The following ANXA8 variants were observed in gnomAD, a reference collection of about 807,000 sequenced individuals.
ANXA8 encodes VAC-beta.
Under a neutral mutation model 26.8 loss-of-function variants are expected in ANXA8, and 9 were observed. That is an observed-to-expected ratio of 0.34 (90% CI 0.20 to 0.59). The LOEUF (loss-of-function observed/expected upper bound fraction) is 0.59, where lower values mean the gene tolerates loss of function less well. Ranked by LOEUF, ANXA8 falls within the 20% of genes least tolerant of loss-of-function variation. The probability of loss-of-function intolerance (pLI) is 0.84; values close to 1 mark genes in which losing one functional copy is unlikely to be tolerated. For synonymous variants in ANXA8, 39 were observed against 94.8 expected, an observed-to-expected ratio of 0.41 and a Z score of 3.42; for missense variants, 83 against 238.5, an observed-to-expected ratio of 0.35 and a Z score of 4.29.
At chr10:47,497,247 G>A in the ANXA8 span, among the ~76,000 whole-genome samples, 1 of 139,808 alleles carries the variant, frequency 7.2e-6, no homozygotes, top group African/African-American at 2.7e-5. Flanking sequence ...TTGAACCCGG[G>A]AGGAGAGGCT....
the ANXA8 span, among the ~76,000 whole-genome samples, chr10:47,744,423 T>TGGGGGGGGGGGGGGGAGGGGGGGGGG: frequency 1.6e-4 from 1 of 6,438 alleles, no homozygotes; most frequent in African/African-American, 6.3e-4. Flanking sequence ...GGGGGGGGGT[T>TGGGGGGGGGGGGGGGAGGGGGGGGGG]GGGGGGGAGG....
the ANXA8 span, among the ~76,000 whole-genome samples, chr10:47,888,617 TTTTTG>T: frequency 5.9e-4 from 1 of 1,708 alleles, no homozygotes; most frequent in African/African-American, 3.7e-3. Context: ...GAGTTCCTGT[TTTTTG>T]TTTTGTTTTG....
At chr10:47,960,067 A>G in the ANXA8 span, among the ~76,000 whole-genome samples, 5 of 148,668 alleles carry the variant, frequency 3.4e-5, no homozygotes, top group Non-Finnish European at 5.9e-5. Flanking sequence ...ACCCAGGGAG[A>G]GACCCCACAC....
the ANXA8 span, among the ~76,000 whole-genome samples, chr10:47,733,913 T>C: frequency 6.6e-6 from 1 of 152,310 alleles, no homozygotes; most frequent in Non-Finnish European, 1.5e-5. Context: ...CGTGATTTTT[T>C]TCAAAACCAT....
At chr10:47,656,334 G>T in the ANXA8 span, among the ~76,000 whole-genome samples, 1 of 151,202 alleles carries the variant, frequency 6.6e-6, no homozygotes, top group Admixed American at 6.6e-5. Context: ...GGAAGTTGAG[G>T]CTGCAGTGAG....
chr10:47,952,751 G>A, the ANXA8 span, among the ~76,000 whole-genome samples: 9 of 118,892 alleles, frequency 7.6e-5, no homozygotes, highest in African/African-American at 1.6e-4. Flanking sequence ...ACAGGAAAGC[G>A]AGTAATGAAG....
At chr10:47,659,674 C>G in the ANXA8 span, among the ~76,000 whole-genome samples, 1 of 141,838 alleles carries the variant, frequency 7.1e-6, no homozygotes, top group Non-Finnish European at 1.5e-5. Context: ...GAAACTCTGT[C>G]TCAAAAAAAA....
At chr10:47,589,362 C>T in the ANXA8 span, 4 of 146,770 alleles carry the variant, frequency 2.7e-5, no homozygotes, top group South Asian at 6.2e-4. Flanking sequence ...AAGCTCTTTA[C>T]TTGTCTTTAT....
the ANXA8 span, among the ~76,000 whole-genome samples, chr10:47,522,353 A>G: frequency 6.7e-6 from 1 of 148,530 alleles, no homozygotes; most frequent in Non-Finnish European, 1.5e-5. Context: ...TTTCTGTTAA[A>G]GTAAGAATTT....
the ANXA8 span, among the ~76,000 whole-genome samples, chr10:47,600,343 G>A: frequency 4.0e-5 from 6 of 150,106 alleles, 1 homozygote; most frequent in African/African-American, 5.0e-5. Flanking sequence ...AGGTAGCTCC[G>A]CTCTCTGGTC....
chr10:47,743,329 CATATATATAT>C, the ANXA8 span, among the ~76,000 whole-genome samples: 52 of 47,702 alleles, frequency 1.1e-3, 1 homozygote, highest in Admixed American at 3.3e-3. Context: ...TATATATATA[CATATATATAT>C]ACATATATAT....
chr10:47,668,206 C>T, the ANXA8 span, among the ~76,000 whole-genome samples: 1 of 151,160 alleles, frequency 6.6e-6, no homozygotes, highest in Admixed American at 6.6e-5. Flanking sequence ...ATTCTGTTGC[C>T]ATCTCTTTGA....
chr10:47,484,281 T>G (rs1399007917), upstream of ANXA8: 8 of 661,548 alleles, frequency 1.2e-5, no homozygotes, highest in Non-Finnish European at 2.2e-5. Flanking sequence ...TAAACACAGC[T>G]CCATGTTGAT....
chr10:47,494,978 G>C, the ANXA8 span, among the ~76,000 whole-genome samples: 1,218 of 142,612 alleles, frequency 8.5e-3, no homozygotes, highest in East Asian at 0.054. Context: ...TGTAGAGGAG[G>C]ATCATCAGGA....
the ANXA8 span, among the ~76,000 whole-genome samples, chr10:47,733,217 CTTTCTCTTTCTT>C: frequency 1.3e-4 from 9 of 71,416 alleles, no homozygotes; most frequent in South Asian, 5.4e-4. Context: ...TTCTTTCTTT[CTTTCTCTTTCTT>C]TCTCTCTTTC....
chr10:47,474,702 C>T (rs1157728200), intron 7 of ANXA8, among the ~76,000 whole-genome samples: 13 of 87,838 alleles, frequency 1.5e-4, no homozygotes, highest in African/African-American at 2.5e-4. Context: ...CTAGCGCCCC[C>T]GGGTTCATGG....
At chr10:47,693,380 C>G in the ANXA8 span, among the ~76,000 whole-genome samples, 1 of 151,218 alleles carries the variant, frequency 6.6e-6, no homozygotes, top group South Asian at 2.1e-4. Context: ...AGCTCTGCCT[C>G]CCGGGTTCAC....
chr10:47,487,155 T>C (rs1347577209), upstream of ANXA8: 35 of 1,292,364 alleles, frequency 2.7e-5, no homozygotes, highest in Admixed American at 4.6e-5. Context: ...AAATATGTTA[T>C]GTCAACAAGA....
chr10:47,900,337 T>A, the ANXA8 span, among the ~76,000 whole-genome samples: 1 of 151,904 alleles, frequency 6.6e-6, no homozygotes, highest in Non-Finnish European at 1.5e-5. Context: ...AATATCCCCA[T>A]CTACAAGATG....
Sources: gnomAD v4.1 joint callset for allele counts (sites outside exome capture counted in the v4.1 genomes callset) on GRCh38, gnomAD v4.1.1 for gene constraint, MANE v1.5 for transcripts, NCBI Gene and HGNC (gene_info 2026-07-23, HGNC 2026-07-21) for gene names.